The following MMP20 variants were observed in gnomAD, a reference collection of about 807,000 sequenced individuals.
The protein encoded by MMP20 is matrix metallopeptidase 20.
In MMP20, 50 loss-of-function variants were observed where a neutral mutation model predicts 51.8. The observed-to-expected ratio is 0.97, with a 90% confidence interval of 0.77 to 1.22. The LOEUF is 1.22. MMP20 is among the 50% of genes most tolerant of loss of function. The pLI, the probability that MMP20 is intolerant of heterozygous loss-of-function variation, is 0.00. For synonymous variants in MMP20, 244 were observed against 216.2 expected (o/e 1.13, Z -1.13); for missense variants, 663 against 601.4 (o/e 1.10, Z -1.07).
intron 1 of MMP20, among the ~76,000 whole-genome samples, chr11:102,619,533 G>A (rs999498808): frequency 4.6e-5 from 7 of 151,340 alleles, no homozygotes; most frequent in South Asian, 2.1e-4. Flanking sequence ...CAAAAACTCC[G>A]TAATCAAGAT....
intron 4 of MMP20, 132 bp from the exon 5 acceptor site, chr11:102,609,230 G>T (rs1859561628): frequency 7.0e-6 from 6 of 853,796 alleles, no homozygotes; most frequent in African/African-American, 1.7e-5. Flanking sequence ...TTATTCAAAG[G>T]TTGGTAGGTT....
intron 1 of MMP20, 118 bp downstream of exon 1, chr11:102,625,076 G>T (rs1041577508): frequency 4.4e-6 from 6 of 1,348,484 alleles, no homozygotes; most frequent in African/African-American, 1.5e-5. Context: ...AGACTTCAAT[G>T]GACTTATATA....
At chr11:102,597,633 G>A (rs1472558820) in intron 6 of MMP20, among the ~76,000 whole-genome samples, 1 of 152,084 alleles carries the variant, frequency 6.6e-6, no homozygotes, top group Non-Finnish European at 1.5e-5. Flanking sequence ...GACTTATCTG[G>A]CTCAAGATAC....
intron 2 of MMP20, among the ~76,000 whole-genome samples, chr11:102,614,554 G>A (rs749766442): frequency 1.1e-4 from 16 of 152,188 alleles, no homozygotes; most frequent in Non-Finnish European, 1.6e-4. Flanking sequence ...AGACTCTGTC[G>A]ATGCGTACAC....
rs781580828 is a variant in MMP20 at position 102,611,769 on chromosome 11, G to T, written c.509C>A (p.Ser170Tyr). ...INSGEADIMI[S>Y]FENGDHGDSY... ...TACCACAATACCTCCATTTTCAAAA[G>T]ATATCATAATATCCGCTTCTCCTGA... Residue 170 changes from serine (S) to tyrosine (Y), a missense_variant, in exon 3 of 10, where the codon TCT (serine) becomes TAT (tyrosine). Coordinates refer to ENST00000260228, the MANE Select transcript of MMP20 (RefSeq NM_004771.4). 2 of 1,614,136 alleles carry T rather than the reference G, an allele frequency of 1.2e-6. No individual in the cohort carries two copies. Among genetic ancestry groups the T allele is most frequent in the Non-Finnish European group, 1.7e-6 (2 of 1,180,042 alleles).
intron 5 of MMP20, 91 bp downstream of exon 5, chr11:102,608,846 T>C (rs755413468): frequency 2.0e-4 from 274 of 1,339,410 alleles, no homozygotes; most frequent in Admixed American, 1.3e-3. Flanking sequence ...GATTGATCTT[T>C]ACCAATGCAG....
chr11:102,624,046 G>T (rs191672550), intron 1 of MMP20, among the ~76,000 whole-genome samples: 1 of 152,342 alleles, frequency 6.6e-6, no homozygotes, highest in Admixed American at 6.5e-5. Context: ...TCATCTGCGG[G>T]GCTGATATTT....
At chr11:102,589,747 G>A (rs759264271) in intron 8 of MMP20, among the ~76,000 whole-genome samples, 2 of 152,228 alleles carry the variant, frequency 1.3e-5, no homozygotes, top group Middle Eastern at 3.4e-3. Flanking sequence ...CACATAATAT[G>A]TCTAATAAAT....
At chr11:102,623,021 T>A (rs1341962744) in intron 1 of MMP20, among the ~76,000 whole-genome samples, 1 of 152,138 alleles carries the variant, frequency 6.6e-6, no homozygotes, top group Non-Finnish European at 1.5e-5. Context: ...CAAGCAAAGG[T>A]GCTGTGTGTC....
rs936483318 is a variant in MMP20 at position 102,577,540 on chromosome 11, G to C, written c.1352-114C>G. The C allele has an allele frequency of 3.9e-6, 3 of 769,328 alleles. No individual in the cohort carries two copies. The East Asian group carries it at 8.3e-5, about 21-fold the overall frequency. 47.7% of individuals were successfully genotyped at this position (769,328 alleles called of 1,614,324 possible). A position where few individuals can be genotyped will look rare whatever the true frequency, so the allele number is the denominator to read the frequency against. On this transcript the variant is annotated intron_variant, in intron 9 of 9. Coordinates refer to ENST00000260228, the MANE Select transcript of MMP20 (RefSeq NM_004771.4). ...GTCACCAAAGAGGAATTGTGAATTT[G>C]TCAGGTGGCAGTTAGCTTGTCTTCT... is the stretch of plus-strand genomic sequence containing the variant.
rs7125086 is a variant in MMP20, at chr11:102,589,476, G to C, written c.1247+3963C>G. Among the ~76,000 whole-genome samples the C allele has an allele frequency of 5.9e-3, 892 of 152,234 alleles. 8 individuals are homozygous for C. The highest frequency in any genetic ancestry group is 0.02 in the African/African-American group (841 of 41,530). On this transcript the variant is annotated intron_variant, in intron 8 of 9. Transcript: ENST00000260228. Reference sequence around the variant, plus strand: ...TACCCTCAACTGTAAGATCTGTTGAGGGCATTAATAACACCCAACATGAGC... The same window carrying C: ...TACCCTCAACTGTAAGATCTGTTGACGGCATTAATAACACCCAACATGAGC...
chr11:102,595,347 T>C (rs1859369560), intron 6 of MMP20, among the ~76,000 whole-genome samples: 1 of 152,220 alleles, frequency 6.6e-6, no homozygotes, highest in South Asian at 2.1e-4. Context: ...TTAAGGATGT[T>C]CAAAATAATG....
At position 102,594,620 on chromosome 11, in the gene MMP20, C is replaced by T. The variant is rs749393876; in HGVS notation, c.1090+1G>A. On this transcript the variant is annotated splice_donor_variant, in intron 7 of 9. Transcript: ENST00000260228. LOFTEE classifies it high-confidence loss of function. Reference sequence around the variant, plus strand: ...CTTTCTTTGAGGGATCTGTAGGGTACCTTTGAAGAAGTAAGCAGTGCCCCT... The same window carrying T: ...CTTTCTTTGAGGGATCTGTAGGGTATCTTTGAAGAAGTAAGCAGTGCCCCT... 3.7e-6 allele frequency: 6 copies of T among 1,613,586 alleles called. No homozygotes were observed. In the South Asian group the frequency reaches 6.6e-5, roughly 18 times the overall value.
At chr11:102,595,741 A>G (rs1667551424) in intron 6 of MMP20, among the ~76,000 whole-genome samples, 1 of 152,242 alleles carries the variant, frequency 6.6e-6, no homozygotes, top group African/African-American at 2.4e-5. Context: ...TATTATAGTC[A>G]TAAAATTGTG....
At chr11:102,612,429 C>G (rs1300785648) in intron 2 of MMP20, among the ~76,000 whole-genome samples, 2 of 152,184 alleles carry the variant, frequency 1.3e-5, no homozygotes, top group East Asian at 3.8e-4. Flanking sequence ...CGGGCGACTG[C>G]ACTCCAGCCT....
intron 6 of MMP20, chr11:102,605,281 A>G (rs1040082571): frequency 7.9e-5 from 12 of 152,138 alleles, no homozygotes; most frequent in African/African-American, 2.9e-4. Flanking sequence ...CTTACCCTCC[A>G]AAACTGTGAG....
At chr11:102,583,685 T>C (rs939849378) in intron 8 of MMP20, 3 of 152,202 alleles carry the variant, frequency 2.0e-5, no homozygotes, top group Non-Finnish European at 2.9e-5. Flanking sequence ...TGCATGACTA[T>C]AGTCACAGAA....
chr11:102,594,243 G>A (rs1948741274), intron 7 of MMP20, among the ~76,000 whole-genome samples: 1 of 152,186 alleles, frequency 6.6e-6, no homozygotes, highest in Non-Finnish European at 1.5e-5. Context: ...CAGCATAGAA[G>A]TAAGGGTATT....
chr11:102,621,290 C>G (rs1859747926), intron 1 of MMP20, among the ~76,000 whole-genome samples: 1 of 152,248 alleles, frequency 6.6e-6, no homozygotes, highest in Admixed American at 6.5e-5. Context: ...CTCGCTGAGT[C>G]ACGCAGGATG....
Sources: gnomAD v4.1 joint callset for allele counts (sites outside exome capture counted in the v4.1 genomes callset) on GRCh38, gnomAD v4.1.1 for gene constraint, MANE v1.5 for transcripts, NCBI Gene and HGNC (gene_info 2026-07-23, HGNC 2026-07-21) for gene names.